Variants in AHNAK2 observed in about 807,000 individuals in gnomAD.
AHNAK2 encodes the protein AHNAK nucleoprotein 2.
In AHNAK2, 18 loss-of-function variants were observed where a neutral mutation model predicts 30.7. That is an observed-to-expected ratio of 0.59 (90% CI 0.41 to 0.87). The LOEUF is 0.87. AHNAK2 is among the 40% of genes least tolerant of loss of function. The probability of loss-of-function intolerance (pLI) is 0.00; values close to 1 mark genes in which losing one functional copy is unlikely to be tolerated. For synonymous variants in AHNAK2, 3,590 were observed against 3,073.8 expected (o/e 1.17, Z -5.56); for missense variants, 8,604 against 7,373.0 (o/e 1.17, Z -6.11).
At chr14:104,977,165 G>C (rs909268814) in intron 1 of AHNAK2, among the ~76,000 whole-genome samples, 1 of 152,200 alleles carries the variant, frequency 6.6e-6, no homozygotes, top group South Asian at 2.1e-4. Flanking sequence ...CAGCATTGTC[G>C]GCACCATTAG....
Position 104,956,437 on chromosome 14 carries a change from C to G in AHNAK2, c.315+151G>C, listed in dbSNP as rs370840032. 9.7e-6 allele frequency: 7 copies of G among 719,174 alleles called. No individual in the cohort carries two copies. In the African/African-American group the frequency reaches 1.0e-4, roughly 11 times the overall value. 44.5% of individuals were successfully genotyped at this position (719,174 alleles called of 1,614,324 possible). The stretch of plus-strand genomic sequence containing the variant: ...AGCCCCTGCCCTTCCCCAGGCCTGA[C>G]AAGGGGGACAAGAACACCCCTCCTC... On this transcript the variant is annotated intron_variant, in intron 4 of 6. Transcript: ENST00000333244.
chr14:104,952,085 C>T lies in AHNAK2; in HGVS notation c.3366G>A (p.Val1122=). 2 of 1,602,650 alleles carry T rather than the reference C, an allele frequency of 1.2e-6. No individual in the cohort carries two copies. The highest frequency in any genetic ancestry group is 1.7e-6 in the Non-Finnish European group (2 of 1,177,908). Residue 1122 remains valine (V), a synonymous_variant, in exon 7 of 7, where the codon GTG becomes GTA. Coordinates refer to ENST00000333244, the MANE Select transcript of AHNAK2 (RefSeq NM_138420.4). Reference sequence around the variant, plus strand: ...CCTCCACGCTGGGCAGAGACACCTCCACATCAGGGGCTGTGACTTCCGCCT... The same window carrying T: ...CCTCCACGCTGGGCAGAGACACCTCTACATCAGGGGCTGTGACTTCCGCCT... ...SPKAEVTAPD[V]EVSLPSVEVD... is the part of the protein sequence containing the mutation.
At chr14:104,973,327 G>A (rs988429537) in intron 1 of AHNAK2, among the ~76,000 whole-genome samples, 4 of 152,332 alleles carry the variant, frequency 2.6e-5, no homozygotes, top group African/African-American at 7.2e-5. Flanking sequence ...TGAGGGCAGC[G>A]GATGGTGAAT....
chr14:104,939,884 C>G lies in AHNAK2; in HGVS notation c.15567G>C (p.Trp5189Cys), dbSNP rs1342724944. The G allele has an allele frequency of 6.2e-7, 1 of 1,613,618 alleles. No individual in the cohort carries two copies. The highest frequency in any genetic ancestry group is 1.7e-5 in the Admixed American group (1 of 60,028). Residue 5189 changes from tryptophan to cysteine, a missense_variant, in exon 7 of 7, where the codon TGG becomes TGC. Transcript: ENST00000333244. ...GCATGCGGAACTTGGGCATTTTAAA[C>G]CAGCTTTCCTGCGAGTACTTGGTCA... ...EAMTKYSQES[W>C]FKMPKFRMPS...
At position 104,942,235 on chromosome 14, in the gene AHNAK2, G is replaced by A. The variant is rs755104044; in HGVS notation, c.13216C>T (p.Pro4406Ser). The change falls in exon 7 of 7, where the codon CCC becomes TCC. Residue 4406 changes from proline to serine, a missense_variant. Physicochemically the swap from Pro to Ser is moderately conservative, Grantham distance 74. Coordinates refer to ENST00000333244, the MANE Select transcript of AHNAK2 (RefSeq NM_138420.4). ...LKGPQIDVNV[P>S]KLDLKGPKVE... ...TTGGGGCCTTTCAGGTCCAGCTTGG[G>A]GACATTAACGTCTATCTGGGGACCC... is the stretch of plus-strand genomic sequence containing the variant. The A allele has an allele frequency of 4.6e-5, 74 of 1,612,800 alleles. No homozygotes were observed. The highest frequency in any genetic ancestry group is 1.6e-4 in the Middle Eastern group (1 of 6,082).
rs780591643 is a variant in AHNAK2, at chr14:104,945,124, C to T, written c.10327G>A (p.Val3443Ile). The T allele has an allele frequency of 1.6e-5, 26 of 1,613,084 alleles. No homozygotes were observed. The highest frequency in any genetic ancestry group is 4.4e-5 in the South Asian group (4 of 91,054). Residue 3443 changes from valine to isoleucine, a missense_variant, in exon 7 of 7, where the codon GTC becomes ATC. Transcript: ENST00000333244. ...TCCAGCTTGGCTCTCGGGGCCTGGA[C>T]GTCCACCTCCACGCTGGGCAGAGAC... ...EVSLPSVEVDVQAPRAKLDGA... is the reference protein window; with the variant it reads ...EVSLPSVEVDIQAPRAKLDGA...
At position 104,940,276 on chromosome 14, in the gene AHNAK2, G is replaced by T; in HGVS notation, c.15175C>A (p.Gln5059Lys). ...TCACTGCTGGCCTTTTCTGTGTCTT[G>T]AAAGCTACCCCCTGCTGTGGCACTA... ...LSSATAGGSFQDTEKASSDGG... is the reference protein window; with the variant it reads ...LSSATAGGSFKDTEKASSDGG... Residue 5059 changes from glutamine to lysine, a missense_variant, in exon 7 of 7, where the codon CAA becomes AAA. Coordinates refer to ENST00000333244, the MANE Select transcript of AHNAK2 (RefSeq NM_138420.4). This position sits in a 1 kb window ranked among gnomAD's most constrained non-coding sequence, Gnocchi z 4.4. 6.2e-7 allele frequency: 1 copy of T among 1,613,660 alleles called. No homozygotes were observed. The highest frequency in any genetic ancestry group is 2.2e-5 in the East Asian group (1 of 44,884).
In AHNAK2 at chr14:104,952,495, G is replaced by C. The variant is rs374500484; in HGVS notation, c.2956C>G (p.Leu986Val). The C allele has an allele frequency of 1.2e-6, 2 of 1,612,028 alleles. No homozygotes were observed. Among genetic ancestry groups the C allele is most frequent in the East Asian group, 2.2e-5 (1 of 44,674 alleles). ...TTGGCAGTCACGTCCTTGTCGGCCA[G>C]GGACAGGTCCCCCTCCAGCCACGCA... ...DGAWLEGDLS[L>V]ADKDVTAKDS... Residue 986 changes from leucine (L) to valine (V), a missense_variant, in exon 7 of 7, where the codon CTG becomes GTG. Transcript: ENST00000333244.
chr14:104,942,376 C>G lies in AHNAK2; in HGVS notation c.13075G>C (p.Ala4359Pro), dbSNP rs373906972. 12 of 1,612,970 alleles carry G rather than the reference C, an allele frequency of 7.4e-6. No homozygotes were observed. The highest frequency in any genetic ancestry group is 1.6e-4 in the Middle Eastern group (1 of 6,080). ...GGGAGTTTCACATCCTCTTGGCCAG[C>G]CTGGACCTCCAGATCAGCGGAAGGG... ...QPPSADLEVQ[A>P]GQEDVKLPEG... Residue 4359 changes from alanine (A) to proline (P), a missense_variant, in exon 7 of 7, where the codon GCT becomes CCT. Physicochemically the swap from Ala to Pro is conservative, Grantham distance 27. Coordinates refer to ENST00000333244, the MANE Select transcript of AHNAK2 (RefSeq NM_138420.4).
rs1230454039 is a variant in AHNAK2 at position 104,952,737 on chromosome 14, G to T, written c.2714C>A (p.Pro905His). The change falls in exon 7 of 7, where the codon CCT (proline) becomes CAT (histidine). Residue 905 changes from proline to histidine, a missense_variant. Physicochemically the swap from Pro to His is moderately conservative, Grantham distance 77. Coordinates refer to ENST00000333244, the MANE Select transcript of AHNAK2 (RefSeq NM_138420.4). ...GQVDVKLPEG[P>H]VPEGAGPKVH... ...TTTGGGGCCGGCTCCCTCGGGCACA[G>T]GGCCCTCCGGAAGTTTCACATCCAC... is the stretch of plus-strand genomic sequence containing the variant. 1.2e-6 allele frequency: 2 copies of T among 1,612,386 alleles called. No individual in the cohort carries two copies. Among genetic ancestry groups the T allele is most frequent in the African/African-American group, 2.7e-5 (2 of 74,198 alleles).
At position 104,940,146 on chromosome 14, in the gene AHNAK2, G is replaced by A. The variant is rs755050249; in HGVS notation, c.15305C>T (p.Pro5102Leu). The change falls in exon 7 of 7, where the codon CCT (proline) becomes CTT (leucine). Residue 5102 changes from proline to leucine, a missense_variant. Coordinates refer to ENST00000333244, the MANE Select transcript of AHNAK2 (RefSeq NM_138420.4). This position sits in a 1 kb window ranked among gnomAD's most constrained non-coding sequence, Gnocchi z 4.4. ...CTTGGCCTTGGAGGATCTGAGATCA[G>A]GTTTGGCAAAGCCCAAACTGGGAAT... ...VHIPSLGFAK[P>L]DLRSSKAKVE... is the part of the protein sequence containing the mutation. 8 of 1,613,456 alleles carry A rather than the reference G, an allele frequency of 5.0e-6. No homozygotes were observed. The South Asian group carries it at 8.8e-5, about 18-fold the overall frequency.
intron 1 of AHNAK2, among the ~76,000 whole-genome samples, chr14:104,960,395 A>C (rs1249484219): frequency 1.3e-5 from 2 of 151,882 alleles, no homozygotes; most frequent in African/African-American, 4.9e-5. Flanking sequence ...TTTACATAGC[A>C]TTTACATTGC....
At position 104,944,366 on chromosome 14, in the gene AHNAK2, C is replaced by T; in HGVS notation, c.11085G>A (p.Leu3695=). The T allele has an allele frequency of 6.2e-7, 1 of 1,612,774 alleles. No individual in the cohort carries two copies. Among genetic ancestry groups the T allele is most frequent in the Non-Finnish European group, 8.5e-7 (1 of 1,179,478 alleles). ...CATCCATCTGGCCAGCCTGGACCTTCAGGTCGGCAGAAGGGGGCTGAATGC... is the reference window on the plus strand; with the variant it reads ...CATCCATCTGGCCAGCCTGGACCTTTAGGTCGGCAGAAGGGGGCTGAATGC... The part of the protein sequence containing the change: ...DLSIQPPSAD[L]KVQAGQMDVK... Residue 3695 remains leucine (L), a synonymous_variant, in exon 7 of 7, where the codon CTG becomes CTA. Transcript: ENST00000333244.
In AHNAK2 at chr14:104,937,971, G is replaced by A. The variant is rs1010850118; in HGVS notation, c.*92C>T. 16 of 1,335,882 alleles carry A rather than the reference G, an allele frequency of 1.2e-5. No homozygotes were observed. Among genetic ancestry groups the A allele is most frequent in the Non-Finnish European group, 1.4e-5 (14 of 969,668 alleles). The allele number at this position is 1,335,882 out of a possible 1,614,324, so 82.8% of individuals were successfully genotyped here. ...TTCTGTGAAGTGAGGTGGATGTAAT[G>A]TGCTGTGGGATGGGGTGCTCCATAT... is the stretch of plus-strand genomic sequence containing the variant. On this transcript the variant is annotated 3_prime_UTR_variant, in exon 7 of 7. Coordinates refer to ENST00000333244, the MANE Select transcript of AHNAK2 (RefSeq NM_138420.4).
At position 104,944,274 on chromosome 14, in the gene AHNAK2, A is replaced by G. The variant is rs1488162721; in HGVS notation, c.11177T>C (p.Met3726Thr). ...CACTTTGGGCATCTTCAAACTGGGC[A>G]TCTCCACCTTGGGCAGGTGCTCTTT... ...GLKEHLPKVE[M>T]PSLKMPKVDL... Residue 3726 changes from methionine to threonine, a missense_variant, in exon 7 of 7, where the codon ATG becomes ACG. Physicochemically the swap from Met to Thr is moderately conservative, Grantham distance 81 (BLOSUM62 -1). Transcript: ENST00000333244. The G allele has an allele frequency of 6.2e-7, 1 of 1,612,388 alleles. No homozygotes were observed. The highest frequency in any genetic ancestry group is 8.5e-7 in the Non-Finnish European group (1 of 1,179,374).
chr14:104,956,131 T>G (rs906322687), intron 4 of AHNAK2, among the ~76,000 whole-genome samples: 5 of 152,202 alleles, frequency 3.3e-5, no homozygotes, highest in Non-Finnish European at 5.9e-5. Context: ...CTTGGACTGC[T>G]GGGGCCTCCA....
intron 1 of AHNAK2, among the ~76,000 whole-genome samples, chr14:104,972,431 T>G (rs534625699): frequency 0.018 from 2,752 of 152,298 alleles, 80 homozygotes; most frequent in African/African-American, 0.063. Context: ...AGGCCCAGCC[T>G]GCTGGAGTGG....
rs1352614191 is a variant in AHNAK2, at chr14:104,938,871, T to G, written c.16580A>C (p.Glu5527Ala). The G allele has an allele frequency of 6.2e-7, 1 of 1,613,740 alleles. No individual in the cohort carries two copies. Among genetic ancestry groups the G allele is most frequent in the East Asian group, 2.2e-5 (1 of 44,890 alleles). ...GFSLLKVKIP[E>A]PHTQARVYTT... is the part of the protein sequence containing the mutation. ...GTACACTCTAGCCTGCGTGTGGGGC[T>G]CTGGGATTTTCACTTTTAATAAGGA... is the stretch of plus-strand genomic sequence containing the variant. The change falls in exon 7 of 7, where the codon GAG becomes GCG. Residue 5527 changes from glutamate to alanine, a missense_variant. Physicochemically the swap from Glu to Ala is moderately radical, Grantham distance 107. Transcript: ENST00000333244.
Position 104,943,451 on chromosome 14 carries a change from G to C in AHNAK2, c.12000C>G (p.Ala4000=). 1.2e-6 allele frequency: 2 copies of C among 1,613,096 alleles called. No individual in the cohort carries two copies. The highest frequency in any genetic ancestry group is 1.7e-6 in the Non-Finnish European group (2 of 1,179,602). ...CCTGCATGGAAGGGAGGCTCACGTC[G>C]GCCTCCACCTTTGGCGCGGTCACAT... ...SVDVTAPKVE[A]DVSLPSMQGD... Residue 4000 remains alanine, a synonymous_variant, in exon 7 of 7, where the codon GCC becomes GCG. Transcript: ENST00000333244.
Sources: gnomAD v4.1 joint callset for allele counts (sites outside exome capture counted in the v4.1 genomes callset) on GRCh38, gnomAD v4.1.1 for gene constraint, Gnocchi (gnomAD v3.1) non-coding constraint, MANE v1.5 for transcripts, NCBI Gene and HGNC (gene_info 2026-07-23, HGNC 2026-07-21) for gene names.